Variants in SPAG9 observed in about 807,000 individuals in gnomAD.
The protein encoded by SPAG9 is sperm associated antigen 9.
SPAG9 carries 35 observed loss-of-function variants against 166.5 expected under a neutral mutation model. That is an observed-to-expected ratio of 0.21 (90% confidence interval 0.16 to 0.28). The LOEUF (loss-of-function observed/expected upper bound fraction) is 0.28. Among genes scored for constraint, SPAG9 ranks in the 10% least tolerant of loss-of-function variants. SPAG9 has a pLI of 1.00. For synonymous variants in SPAG9, 534 were observed against 565.5 expected (o/e 0.94, Z 0.79); for missense variants, 1,235 against 1,603.3 (o/e 0.77, Z 3.92).
rs1029618861 is a variant in SPAG9, at chr17:50,965,382, T to C, written c.*890A>G. 6.6e-6 allele frequency: 1 copy of C among 152,316 alleles called. No homozygotes were observed. The highest frequency in any genetic ancestry group is 2.1e-4 in the South Asian group (1 of 4,832). The allele number at this position is 152,316 out of a possible 1,614,324, so 9.4% of individuals were successfully genotyped here. A position where few individuals can be genotyped will look rare whatever the true frequency, so the allele number is the denominator to read the frequency against. ...AATCTAGGAACATTTGGCAAACAAG[T>C]ACATTTTTTACATGGAAAAAACTCA... On this transcript the variant is annotated 3_prime_UTR_variant, in exon 30 of 30. Transcript: ENST00000262013.
chr17:50,993,609 T>C (rs2143861589), intron 19 of SPAG9, among the ~76,000 whole-genome samples, 155 bp downstream of exon 19: 1 of 152,360 alleles, frequency 6.6e-6, no homozygotes, highest in Non-Finnish European at 1.5e-5. Context: ...ATATCTTCTT[T>C]ATTCAATGGT....
chr17:51,038,455 G>T (rs1463224467), intron 5 of SPAG9, among the ~76,000 whole-genome samples: 2 of 152,158 alleles, frequency 1.3e-5, no homozygotes, highest in African/African-American at 4.8e-5. Context: ...TGAATATATT[G>T]AAATATATAA....
At chr17:51,002,554 G>A (rs964743344) in intron 12 of SPAG9, among the ~76,000 whole-genome samples, 1 of 151,964 alleles carries the variant, frequency 6.6e-6, no homozygotes, top group Non-Finnish European at 1.5e-5. Context: ...AGTCTGAGGC[G>A]GGTACAATGC....
intron 1 of SPAG9, among the ~76,000 whole-genome samples, chr17:51,103,615 C>T (rs776985952): frequency 9.9e-5 from 15 of 152,150 alleles, no homozygotes; most frequent in Non-Finnish European, 2.2e-4. Context: ...GAACTTAAGT[C>T]ATTTTCAAGA....
chr17:51,088,090 G>A (rs563041433), intron 1 of SPAG9, among the ~76,000 whole-genome samples: 1 of 152,218 alleles, frequency 6.6e-6, no homozygotes, highest in South Asian at 2.1e-4. Context: ...AAAGAAACAT[G>A]TCTGCCTTCT....
rs139733866 is a variant in SPAG9, at chr17:50,994,594, A to C, written c.2226+463T>G. ...AGTGAAACCCTCGTCTCTACAAAAA[A>C]TAAAATTAGCCAGGTGTGGTGGTGT... is the stretch of plus-strand genomic sequence containing the variant. On this transcript the variant is annotated intron_variant, in intron 18 of 29. Coordinates refer to ENST00000262013, the MANE Select transcript of SPAG9 (RefSeq NM_001130528.3). Among the ~76,000 whole-genome samples, 6 of 152,282 alleles carry C rather than the reference A, an allele frequency of 3.9e-5. No individual in the cohort carries two copies. In the East Asian group the frequency reaches 1.2e-3, roughly 29 times the overall value.
At chr17:50,986,572 T>C (rs947123231) in intron 22 of SPAG9, among the ~76,000 whole-genome samples, 1 of 152,248 alleles carries the variant, frequency 6.6e-6, no homozygotes. Context: ...TCAACAGTAA[T>C]CTTGCTTAAC....
At chr17:50,984,875 T>G in intron 24 of SPAG9, 48 bp downstream of exon 24, 1 of 1,477,928 alleles carries the variant, frequency 6.8e-7, no homozygotes, top group Non-Finnish European at 9.5e-7. Context: ...AAAAATGCTT[T>G]GCAAAGCAAC....
At chr17:50,992,579 G>A (rs1975680789) in intron 19 of SPAG9, among the ~76,000 whole-genome samples, 1 of 150,824 alleles carries the variant, frequency 6.6e-6, no homozygotes, top group African/African-American at 2.4e-5. Context: ...GCTGAGCTGG[G>A]AGGATCACTT....
chr17:51,113,353 C>CAAAAAAAAAA (rs34917845), intron 1 of SPAG9, among the ~76,000 whole-genome samples: 1 of 95,866 alleles, frequency 1.0e-5, no homozygotes, highest in Admixed American at 1.2e-4. Flanking sequence ...AATGCCATAT[C>CAAAAAAAAAA]AAAAAAAAAA....
chr17:51,031,904 T>C, intron 5 of SPAG9, 182 bp from the exon 6 acceptor site: 1 of 684,074 alleles, frequency 1.5e-6, no homozygotes, highest in Non-Finnish European at 2.7e-6. Flanking sequence ...ACACTCTAGT[T>C]TAAGTAATAT....
intron 4 of SPAG9, among the ~76,000 whole-genome samples, chr17:51,046,176 G>A (rs2047013653): frequency 6.6e-6 from 1 of 152,194 alleles, no homozygotes; most frequent in African/African-American, 2.4e-5. Flanking sequence ...GCTAAATGCA[G>A]AGGTTGTATA....
intron 6 of SPAG9, 86 bp from the exon 7 acceptor site, chr17:51,021,451 A>C: frequency 8.8e-7 from 1 of 1,133,500 alleles, no homozygotes; most frequent in Non-Finnish European, 1.2e-6. Context: ...TAAATCTACC[A>C]AAGAAAGTTC....
chr17:50,964,624 G>C lies in SPAG9; in HGVS notation c.*1648C>G. ...AAAAAATCATATTTAGCTTTGCCTA[G>C]AGTAATAGATAAAAAAGGGTAAATC... On this transcript the variant is annotated 3_prime_UTR_variant, in exon 30 of 30. Coordinates refer to ENST00000262013, the MANE Select transcript of SPAG9 (RefSeq NM_001130528.3). The C allele has an allele frequency of 3.1e-6, 1 of 322,336 alleles. No homozygotes were observed. The highest frequency in any genetic ancestry group is 2.3e-5 in the South Asian group (1 of 42,902). 20.0% of individuals were successfully genotyped at this position (322,336 alleles called of 1,614,324 possible). A position where few individuals can be genotyped will look rare whatever the true frequency, so the allele number is the denominator to read the frequency against.
intron 23 of SPAG9, among the ~76,000 whole-genome samples, chr17:50,985,269 G>A (rs567003866): frequency 6.6e-6 from 1 of 152,316 alleles, no homozygotes; most frequent in East Asian, 1.9e-4. Flanking sequence ...AAACTCTAAA[G>A]ACCAGAGACA....
At chr17:51,081,069 C>T (rs2048150771) in intron 1 of SPAG9, among the ~76,000 whole-genome samples, 1 of 152,126 alleles carries the variant, frequency 6.6e-6, no homozygotes, top group Non-Finnish European at 1.5e-5. Context: ...AATCCATCAG[C>T]AAATCTACCT....
chr17:51,000,430 A>C (rs192245742), intron 13 of SPAG9, among the ~76,000 whole-genome samples: 7 of 152,266 alleles, frequency 4.6e-5, no homozygotes, highest in Non-Finnish European at 1.0e-4. Context: ...AGAGTTAAAA[A>C]CAGCAATGGA....
At chr17:51,107,642 CAGG>C (rs936712461) in intron 1 of SPAG9, among the ~76,000 whole-genome samples, 3 of 151,312 alleles carry the variant, frequency 2.0e-5, no homozygotes, top group African/African-American at 4.9e-5. Flanking sequence ...GAGGCTGAGG[CAGG>C]AGAATTGCTT....
Position 51,017,798 on chromosome 17 carries a change from T to A in SPAG9, c.1091+2361A>T, listed in dbSNP as rs141956115. Among the ~76,000 whole-genome samples the A allele has an allele frequency of 3.3e-3, 495 of 152,300 alleles. 1 individual carries two copies. Among genetic ancestry groups the A allele is most frequent in the Non-Finnish European group, 5.5e-3 (377 of 68,020 alleles). Reference sequence around the variant, plus strand: ...GATTCATTTAATCCTCACAACCATCTGAGGTATTAACACAAAGCTGTTTTA... The same window carrying A: ...GATTCATTTAATCCTCACAACCATCAGAGGTATTAACACAAAGCTGTTTTA... On this transcript the variant is annotated intron_variant, in intron 8 of 29. Transcript: ENST00000262013.
Sources: allele counts gnomAD v4.1 joint callset (sites outside exome capture counted in the v4.1 genomes callset), GRCh38; gene constraint gnomAD v4.1.1; transcripts MANE v1.5; gene names NCBI Gene and HGNC (gene_info 2026-07-23, HGNC 2026-07-21).